ARSJ: variants seen among roughly 807,000 people sequenced by gnomAD.
ARSJ encodes arylsulfatase family member J.
ARSJ carries 26 observed loss-of-function variants against 35.9 expected under a neutral mutation model. The observed-to-expected ratio is 0.72, with a 90% CI of 0.53 to 1.00. The LOEUF is 1.00. Ranked by LOEUF, ARSJ falls within the 50% of genes least tolerant of loss-of-function variation. The probability of loss-of-function intolerance (pLI) is 0.00; values close to 1 mark genes in which losing one functional copy is unlikely to be tolerated. For missense variants in ARSJ, 667 were observed against 723.6 expected, an observed-to-expected ratio of 0.92 and a Z score of 0.90; for synonymous variants, 294 against 267.6, an observed-to-expected ratio of 1.10 and a Z score of -0.96.
Position 113,902,514 on chromosome 4 carries a change from T to C in ARSJ, c.1560A>G (p.Leu520=). Residue 520 remains leucine, a synonymous_variant, in exon 2 of 2, where the codon CTA becomes CTG. Transcript: ENST00000315366. ...NRYPGIVKKL[L]RRLSQFNKTA... is the part of the protein sequence containing the mutation. Reference sequence around the variant, plus strand: ...TTTTGTTGAACTGTGAGAGCCTCCGTAGGAGCTTCTTCACGATTCCTGGAT... The same window carrying C: ...TTTTGTTGAACTGTGAGAGCCTCCGCAGGAGCTTCTTCACGATTCCTGGAT... 6.2e-7 allele frequency: 1 copy of C among 1,614,162 alleles called. No individual in the cohort carries two copies. The highest frequency in any genetic ancestry group is 8.5e-7 in the Non-Finnish European group (1 of 1,180,022).
chr4:113,952,315 C>A (rs1372429319), intron 1 of ARSJ, among the ~76,000 whole-genome samples: 1 of 152,052 alleles, frequency 6.6e-6, no homozygotes, highest in Admixed American at 6.6e-5. Flanking sequence ...GAATAAAAAC[C>A]AACTTCCCAG....
chr4:113,970,620 A>C (rs1388902339), intron 1 of ARSJ: 2 of 152,332 alleles, frequency 1.3e-5, no homozygotes, highest in African/African-American at 4.8e-5. Flanking sequence ...TGGTGATGTC[A>C]TGAGAGTCTG....
chr4:113,920,849 C>A (rs191037331), intron 1 of ARSJ, among the ~76,000 whole-genome samples: 78 of 151,888 alleles, frequency 5.1e-4, no homozygotes, highest in Middle Eastern at 3.4e-3. Flanking sequence ...TCAATGAGGC[C>A]CAGGAAACCA....
intron 1 of ARSJ, among the ~76,000 whole-genome samples, chr4:113,963,624 A>C (rs557811707): frequency 2.0e-5 from 3 of 152,144 alleles, no homozygotes; most frequent in Non-Finnish European, 4.4e-5. Context: ...ACAAAGCCAA[A>C]CCATAATCAC....
At chr4:113,967,696 C>T (rs1339820341) in intron 1 of ARSJ, among the ~76,000 whole-genome samples, 1 of 152,108 alleles carries the variant, frequency 6.6e-6, no homozygotes, top group African/African-American at 2.4e-5. Context: ...CTAAAGGTTG[C>T]TACCAATCTA....
chr4:113,966,889 A>T (rs1204835399), intron 1 of ARSJ, among the ~76,000 whole-genome samples: 1 of 152,152 alleles, frequency 6.6e-6, no homozygotes, highest in Non-Finnish European at 1.5e-5. Flanking sequence ...CAGTTACCAC[A>T]TCCTCTTTCT....
At chr4:113,931,416 G>A (rs1355700929) in intron 1 of ARSJ, among the ~76,000 whole-genome samples, 4 of 152,032 alleles carry the variant, frequency 2.6e-5, no homozygotes, top group African/African-American at 9.7e-5. Flanking sequence ...ACAGAAGAAG[G>A]AGGTTATTTG....
intron 1 of ARSJ, among the ~76,000 whole-genome samples, chr4:113,953,553 T>C (rs1725990077): frequency 6.6e-6 from 1 of 151,414 alleles, no homozygotes; most frequent in Non-Finnish European, 1.5e-5. Flanking sequence ...GAATTTCCAA[T>C]AGGATTTGAA....
intron 1 of ARSJ, among the ~76,000 whole-genome samples, chr4:113,959,397 C>T (rs1388923767): frequency 2.0e-5 from 3 of 151,760 alleles, no homozygotes; most frequent in Non-Finnish European, 4.4e-5. Context: ...GTCATCTGGC[C>T]AAACATGAGT....
At position 113,924,036 on chromosome 4, in the gene ARSJ, A is replaced by T. The variant is rs13109577; in HGVS notation, c.399-20361T>A. Among the ~76,000 whole-genome samples the T allele has an allele frequency of 0.03, 142 of 4,700 alleles. 7 individuals carry two copies. In the East Asian group the frequency reaches 0.42, roughly 14 times the overall value. The allele number at this position is 4,700 out of a possible 152,430, so 3.1% of individuals were successfully genotyped here. On this transcript the variant is annotated intron_variant, in intron 1 of 1. Transcript: ENST00000315366. Reference sequence around the variant, plus strand: ...TATAGAATCTACATATATATATATAAATATATATAAATATATATAAATATA... The same window carrying T: ...TATAGAATCTACATATATATATATATATATATATAAATATATATAAATATA...
chr4:113,953,835 G>A (rs1001398837), intron 1 of ARSJ, among the ~76,000 whole-genome samples: 1 of 151,958 alleles, frequency 6.6e-6, no homozygotes, highest in African/African-American at 2.4e-5. Context: ...TGGAAGTAAA[G>A]AGAAAGTTCA....
At position 113,907,593 on chromosome 4, in the gene ARSJ, A is replaced by G. The variant is rs563127376; in HGVS notation, c.399-3918T>C. 5.2e-4 allele frequency among the ~76,000 whole-genome samples: 79 copies of G among 152,120 alleles called. 1 individual carries two copies. The highest frequency in any genetic ancestry group is 1.8e-3 in the African/African-American group (73 of 41,514). On this transcript the variant is annotated intron_variant, in intron 1 of 1. Transcript: ENST00000315366. Reference sequence around the variant, plus strand: ...TCTGTGGGGCAGGTAGGAGTGTTTCATTTAGTTGAAAAAAAGTAAAGAAAA... The same window carrying G: ...TCTGTGGGGCAGGTAGGAGTGTTTCGTTTAGTTGAAAAAAAGTAAAGAAAA...
intron 1 of ARSJ, chr4:113,943,363 G>A (rs1174068109): frequency 6.6e-6 from 1 of 152,008 alleles, no homozygotes; most frequent in Non-Finnish European, 1.5e-5. Flanking sequence ...GTACCATTCT[G>A]TGATGTTCCA....
At chr4:113,976,822 A>G (rs1727620248) in intron 1 of ARSJ, among the ~76,000 whole-genome samples, 1 of 152,220 alleles carries the variant, frequency 6.6e-6, no homozygotes, top group South Asian at 2.1e-4. Flanking sequence ...ATCTTTCACC[A>G]AAGAGAAAAA....
At chr4:113,933,370 A>T (rs1724575500) in intron 1 of ARSJ, among the ~76,000 whole-genome samples, 1 of 151,898 alleles carries the variant, frequency 6.6e-6, no homozygotes, top group African/African-American at 2.4e-5. Context: ...TGTTGCTCTG[A>T]TACCAAAACC....
intron 1 of ARSJ, 87 bp downstream of exon 1, chr4:113,978,348 TTC>T (rs1354779442): frequency 7.9e-6 from 10 of 1,267,342 alleles, no homozygotes; most frequent in East Asian, 2.3e-5. Context: ...TCCCCATACT[TTC>T]TGTTACTCCC....
intron 1 of ARSJ, among the ~76,000 whole-genome samples, chr4:113,955,749 A>C (rs1415914035): frequency 2.0e-5 from 3 of 152,046 alleles, no homozygotes; most frequent in Non-Finnish European, 4.4e-5. Context: ...ACAGCAAAAA[A>C]CTTTTAAACC....
chr4:113,909,074 G>A (rs1199652705), intron 1 of ARSJ, among the ~76,000 whole-genome samples: 1 of 151,970 alleles, frequency 6.6e-6, no homozygotes, highest in African/African-American at 2.4e-5. Flanking sequence ...AGAGGTAGAT[G>A]GATGAAATGT....
intron 1 of ARSJ, among the ~76,000 whole-genome samples, chr4:113,924,690 G>T (rs557904063): frequency 2.4e-4 from 37 of 152,160 alleles, no homozygotes; most frequent in African/African-American, 7.7e-4. Context: ...AAAGCTGATA[G>T]AAAGTCAATA....
Sources: allele counts gnomAD v4.1 joint callset (sites outside exome capture counted in the v4.1 genomes callset), GRCh38; gene constraint gnomAD v4.1.1; transcripts MANE v1.5; gene names NCBI Gene and HGNC (gene_info 2026-07-23, HGNC 2026-07-21).